DOK6: variants seen among roughly 807,000 people sequenced by gnomAD.
DOK6 encodes downstream of tyrosine kinase 6.
Under a neutral mutation model 44.0 loss-of-function variants are expected in DOK6, and 22 were observed. That is an observed-to-expected ratio of 0.50 (90% CI 0.36 to 0.71). The LOEUF is 0.71. Ranked by LOEUF, DOK6 falls within the 30% of genes least tolerant of loss-of-function variation. The pLI, the probability that DOK6 is intolerant of heterozygous loss-of-function variation, is 0.00. For synonymous variants in DOK6, 166 were observed against 145.5 expected, an observed-to-expected ratio of 1.14 and a Z score of -1.01; for missense variants, 340 against 416.4, an observed-to-expected ratio of 0.82 and a Z score of 1.60.
chr18:69,661,872 C>T (rs1985536154), intron 3 of DOK6: 1 of 152,310 alleles, frequency 6.6e-6, no homozygotes, highest in South Asian at 2.1e-4. Context: ...TGTTTTCTTA[C>T]TTGTCTGAGT....
intron 1 of DOK6, among the ~76,000 whole-genome samples, chr18:69,434,991 G>GGAAA (rs1978921020): frequency 7.3e-5 from 9 of 123,430 alleles, no homozygotes; most frequent in South Asian, 2.8e-4. Flanking sequence ...AAAGAAGGAA[G>GGAAA]GAAGGAAGGA....
intron 1 of DOK6, among the ~76,000 whole-genome samples, chr18:69,433,880 C>G (rs1288832694): frequency 6.6e-6 from 1 of 152,082 alleles, no homozygotes; most frequent in Non-Finnish European, 1.5e-5. Context: ...TTCCTATGTA[C>G]TTTTTCACTA....
At chr18:69,461,787 T>G (rs7239184) in intron 1 of DOK6, among the ~76,000 whole-genome samples, 5,038 of 152,296 alleles carry the variant, frequency 0.033, 137 homozygotes, top group Admixed American at 0.09. Context: ...TATGTGTACA[T>G]GTGTCTTAAG....
chr18:69,658,972 C>T (rs560651226), intron 3 of DOK6, among the ~76,000 whole-genome samples: 14 of 152,276 alleles, frequency 9.2e-5, no homozygotes, highest in African/African-American at 3.4e-4. Flanking sequence ...TGGTCTAGTT[C>T]CCTTAAGAAG....
At position 69,676,429 on chromosome 18, in the gene DOK6, G is replaced by T. The variant is rs28367072; in HGVS notation, c.290-1305G>T. 7.8e-3 allele frequency among the ~76,000 whole-genome samples: 1,192 copies of T among 152,254 alleles called. 19 individuals are homozygous for T. Among genetic ancestry groups the T allele is most frequent in the African/African-American group, 0.025 (1,039 of 41,542 alleles). ...ATTTGATGGTGTTGACCATCAAGGAGAGCCCAGTGTTGGTATTTAGATCCC... is the reference window on the plus strand; with the variant it reads ...ATTTGATGGTGTTGACCATCAAGGATAGCCCAGTGTTGGTATTTAGATCCC... On this transcript the variant is annotated intron_variant, in intron 3 of 7. Transcript: ENST00000382713.
At chr18:69,592,324 T>C (rs555190328) in intron 2 of DOK6, among the ~76,000 whole-genome samples, 9 of 151,936 alleles carry the variant, frequency 5.9e-5, no homozygotes, top group Non-Finnish European at 1.0e-4. Flanking sequence ...TAAAGATCTT[T>C]CTTCCTCTCT....
chr18:69,559,846 T>G (rs1982784726), intron 1 of DOK6, among the ~76,000 whole-genome samples: 1 of 152,108 alleles, frequency 6.6e-6, no homozygotes, highest in African/African-American at 2.4e-5. Context: ...GACCTCTTCC[T>G]TGTGAGTAAG....
chr18:69,706,830 C>T (rs1265988206), intron 5 of DOK6, among the ~76,000 whole-genome samples: 2 of 151,472 alleles, frequency 1.3e-5, no homozygotes, highest in East Asian at 3.9e-4. Context: ...TGATGATTTC[C>T]AATTTCATCC....
chr18:69,422,208 C>A (rs2122409158), intron 1 of DOK6, among the ~76,000 whole-genome samples: 1 of 152,246 alleles, frequency 6.6e-6, no homozygotes, highest in Middle Eastern at 3.4e-3. Context: ...GCCCTCTCTC[C>A]ACCCACCACT....
chr18:69,688,027 A>G (rs1293351792), intron 4 of DOK6, among the ~76,000 whole-genome samples: 1 of 152,136 alleles, frequency 6.6e-6, no homozygotes, highest in South Asian at 2.1e-4. Flanking sequence ...AAATTTTTAA[A>G]TATATACTTC....
intron 1 of DOK6, among the ~76,000 whole-genome samples, chr18:69,410,459 T>C (rs933504433): frequency 2.6e-5 from 4 of 152,242 alleles, no homozygotes; most frequent in African/African-American, 9.6e-5. Context: ...AACTGCGAAT[T>C]ACACTGTTGT....
intron 1 of DOK6, among the ~76,000 whole-genome samples, chr18:69,562,097 C>T (rs1302305229): frequency 1.3e-5 from 2 of 152,090 alleles, no homozygotes; most frequent in Non-Finnish European, 2.9e-5. Flanking sequence ...CATTTTTAGA[C>T]TTCTTCAATT....
chr18:69,406,794 G>C (rs116200229), intron 1 of DOK6, among the ~76,000 whole-genome samples: 2 of 152,270 alleles, frequency 1.3e-5, no homozygotes, highest in African/African-American at 4.8e-5. Flanking sequence ...TAAAAAATTA[G>C]TTTAGGCTGG....
chr18:69,682,651 A>G (rs1207309176), intron 4 of DOK6, among the ~76,000 whole-genome samples: 1 of 152,218 alleles, frequency 6.6e-6, no homozygotes, highest in African/African-American at 2.4e-5. Context: ...CCCAAAGTCC[A>G]GAAGCACAGT....
intron 1 of DOK6, 59 bp downstream of exon 1, chr18:69,401,369 TG>T (rs33984456): frequency 0.43 from 528,144 of 1,237,758 alleles, 96,004 homozygotes; most frequent in African/African-American, 0.62. Context: ...GCTGGCTGCC[TG>T]GGGGGGGGGC....
At chr18:69,617,663 A>G (rs553160377) in intron 3 of DOK6, among the ~76,000 whole-genome samples, 1 of 118,696 alleles carries the variant, frequency 8.4e-6, no homozygotes, top group African/African-American at 2.8e-5. Flanking sequence ...GAAAAGAGCG[A>G]TAAGAGAAAA....
intron 3 of DOK6, among the ~76,000 whole-genome samples, chr18:69,647,064 TGTCTATCCC>T (rs200142868): frequency 0.033 from 4,084 of 124,796 alleles, 194 homozygotes; most frequent in African/African-American, 0.1. Flanking sequence ...CTATCCTATC[TGTCTATCCC>T]ATCTGTCTAT....
chr18:69,662,293 C>T (rs1985548832), intron 3 of DOK6: 1 of 152,366 alleles, frequency 6.6e-6, no homozygotes. Context: ...AGGAGCTACT[C>T]TTTATAGTCT....
At chr18:69,685,566 G>C (rs1986134638) in intron 4 of DOK6, among the ~76,000 whole-genome samples, 1 of 152,164 alleles carries the variant, frequency 6.6e-6, no homozygotes, top group South Asian at 2.1e-4. Flanking sequence ...CATTAAACAA[G>C]GGAATTCTGG....
Sources: allele counts gnomAD v4.1 joint callset (sites outside exome capture counted in the v4.1 genomes callset), GRCh38; gene constraint gnomAD v4.1.1; transcripts MANE v1.5; gene names NCBI Gene and HGNC (gene_info 2026-07-23, HGNC 2026-07-21).